The following RXFP1 variants were observed in gnomAD, a reference collection of about 807,000 sequenced individuals.
The protein encoded by RXFP1 is relaxin family peptide receptor 1.
Under a neutral mutation model 89.8 loss-of-function variants are expected in RXFP1, and 73 were observed. That is an observed-to-expected ratio of 0.81 (90% CI 0.67 to 0.99). RXFP1 has a LOEUF of 0.99. RXFP1 is among the 50% of genes least tolerant of loss of function. The pLI is 0.00. For synonymous variants in RXFP1, 277 were observed against 305.5 expected (o/e 0.91, Z 0.97); for missense variants, 793 against 895.5 (o/e 0.89, Z 1.46).
At chr4:158,640,713 A>C (rs1223032442) in intron 14 of RXFP1, among the ~76,000 whole-genome samples, 1 of 152,188 alleles carries the variant, frequency 6.6e-6, no homozygotes, top group Admixed American at 6.5e-5. Flanking sequence ...GAGTAGACAA[A>C]TATCCAAACT....
At chr4:158,622,080 G>A (rs1765724366) in intron 9 of RXFP1, among the ~76,000 whole-genome samples, 1 of 152,226 alleles carries the variant, frequency 6.6e-6, no homozygotes. Context: ...GGTGGCAGAG[G>A]TGGGTGGATC....
chr4:158,557,864 T>C (rs1383471015), intron 1 of RXFP1, among the ~76,000 whole-genome samples: 4 of 152,200 alleles, frequency 2.6e-5, no homozygotes, highest in Non-Finnish European at 5.9e-5. Context: ...GGAGCTCCAG[T>C]AGGTGTTTCA....
intron 4 of RXFP1, among the ~76,000 whole-genome samples, chr4:158,602,638 A>G (rs969625932): frequency 6.6e-6 from 1 of 152,194 alleles, no homozygotes; most frequent in Admixed American, 6.5e-5. Context: ...AAAATTCTCT[A>G]TTTATAGATA....
At chr4:158,529,782 A>C (rs1743567429) in intron 1 of RXFP1, among the ~76,000 whole-genome samples, 1 of 152,012 alleles carries the variant, frequency 6.6e-6, no homozygotes. Context: ...GTCTCACCAC[A>C]CCTTCTGACA....
In RXFP1 at chr4:158,562,268, C is replaced by T. The variant is rs115250269; in HGVS notation, c.50-10430C>T. Among the ~76,000 whole-genome samples, 1,487 of 152,066 alleles carry T rather than the reference C, an allele frequency of 9.8e-3. 25 individuals carry two copies. The highest frequency in any genetic ancestry group is 0.034 in the African/African-American group (1,417 of 41,500). On this transcript the variant is annotated intron_variant, in intron 1 of 17. Transcript: ENST00000307765. ...CTAAAATTTATCACAGTTTAAAATA[C>T]ACATATTTCACTTTGGGAGGCCGAG...
At chr4:158,579,693 G>T (rs1579786770) in intron 2 of RXFP1, among the ~76,000 whole-genome samples, 1 of 152,202 alleles carries the variant, frequency 6.6e-6, no homozygotes, top group South Asian at 2.1e-4. Context: ...TATTAAGGTC[G>T]ACATAAAGTT....
At chr4:158,597,710 G>GA (rs921595544) in intron 3 of RXFP1, among the ~76,000 whole-genome samples, 2 of 151,942 alleles carry the variant, frequency 1.3e-5, no homozygotes, top group South Asian at 4.1e-4. Flanking sequence ...CTCTGTATAT[G>GA]AAAAAAACAC....
chr4:158,625,056 A>C (rs1307535193), intron 9 of RXFP1, among the ~76,000 whole-genome samples: 1 of 142,268 alleles, frequency 7.0e-6, no homozygotes, highest in Non-Finnish European at 1.5e-5. Flanking sequence ...CACCTCATTA[A>C]GCGCATTTTG....
At chr4:158,560,635 G>A (rs1290153373) in intron 1 of RXFP1, among the ~76,000 whole-genome samples, 1 of 152,138 alleles carries the variant, frequency 6.6e-6, no homozygotes, top group Admixed American at 6.6e-5. Context: ...ATGATTCCCG[G>A]GTTGGCATTT....
rs571867491 is a variant in RXFP1, at chr4:158,622,822, A to G, written c.756-3998A>G. ...ATAGTTTAATAACACTGTATTGTAT[A>G]GTGGAAATTTGCTAAAAGGGTAGAG... On this transcript the variant is annotated intron_variant, in intron 9 of 17. Transcript: ENST00000307765. Among the ~76,000 whole-genome samples the G allele has an allele frequency of 3.3e-5, 5 of 152,330 alleles. No individual in the cohort carries two copies. In the East Asian group the frequency reaches 7.7e-4, roughly 23 times the overall value.
intron 1 of RXFP1, among the ~76,000 whole-genome samples, chr4:158,566,914 G>A (rs1019913148): frequency 3.9e-5 from 6 of 152,204 alleles, no homozygotes; most frequent in East Asian, 1.9e-4. Context: ...GGCCAGAGCC[G>A]GCTCCCTCAG....
At chr4:158,607,073 T>C (rs1447479689) in intron 5 of RXFP1, 2 of 1,535,904 alleles carry the variant, frequency 1.3e-6, no homozygotes, top group Non-Finnish European at 1.7e-6. Context: ...AATGGTGACC[T>C]GCACTCAGAA....
chr4:158,552,158 G>C (rs1750294365), intron 1 of RXFP1, among the ~76,000 whole-genome samples: 1 of 152,160 alleles, frequency 6.6e-6, no homozygotes, highest in South Asian at 2.1e-4. Context: ...CTGTTAAGAA[G>C]AAATACAACT....
intron 1 of RXFP1, among the ~76,000 whole-genome samples, chr4:158,532,419 G>T (rs984556712): frequency 4.6e-5 from 7 of 152,054 alleles, no homozygotes; most frequent in Admixed American, 2.6e-4. Context: ...CTTTTTGGTA[G>T]AACTGTGTAT....
intron 2 of RXFP1, among the ~76,000 whole-genome samples, chr4:158,580,047 A>C (rs1318108022): frequency 2.6e-5 from 4 of 152,188 alleles, no homozygotes; most frequent in African/African-American, 7.2e-5. Context: ...CAGGAGGCAG[A>C]AGACGGGTGA....
chr4:158,600,219 G>T (rs1761428401), intron 4 of RXFP1, among the ~76,000 whole-genome samples: 1 of 152,162 alleles, frequency 6.6e-6, no homozygotes, highest in Non-Finnish European at 1.5e-5. Flanking sequence ...CAAAATAAGA[G>T]TAATTCTTGA....
intron 15 of RXFP1, among the ~76,000 whole-genome samples, chr4:158,645,653 G>A (rs1771386483): frequency 6.6e-6 from 1 of 152,084 alleles, no homozygotes; most frequent in Non-Finnish European, 1.5e-5. Context: ...TGTGCGCAAT[G>A]TAATGGCAAG....
intron 1 of RXFP1, among the ~76,000 whole-genome samples, chr4:158,534,963 T>C (rs1461329048): frequency 6.8e-6 from 1 of 148,054 alleles, no homozygotes; most frequent in South Asian, 2.1e-4. Context: ...ATATTACTAT[T>C]ATAGATAATA....
chr4:158,635,503 G>T (rs1451073578), intron 12 of RXFP1, among the ~76,000 whole-genome samples: 3 of 152,092 alleles, frequency 2.0e-5, no homozygotes, highest in African/African-American at 7.2e-5. Context: ...TTGGATGCCT[G>T]CCTTTCACTT....
Sources: allele counts gnomAD v4.1 joint callset (sites outside exome capture counted in the v4.1 genomes callset), GRCh38; gene constraint gnomAD v4.1.1; transcripts MANE v1.5; gene names NCBI Gene and HGNC (gene_info 2026-07-23, HGNC 2026-07-21).